The following CLUAP1 variants were observed in gnomAD, a reference collection of about 807,000 sequenced individuals.
The protein encoded by CLUAP1 is clusterin-associated protein 1.
CLUAP1 carries 50 observed loss-of-function variants against 55.0 expected under a neutral mutation model. That is an observed-to-expected ratio of 0.91 (90% CI 0.72 to 1.15). CLUAP1 has a LOEUF of 1.15. Ranked by LOEUF, CLUAP1 falls within the 50% of genes most tolerant of loss-of-function variation. The probability of loss-of-function intolerance (pLI) is 0.00; values close to 1 mark genes in which losing one functional copy is unlikely to be tolerated. For synonymous variants in CLUAP1, 195 were observed against 175.4 expected, an observed-to-expected ratio of 1.11 and a Z score of -0.88; for missense variants, 530 against 507.6, an observed-to-expected ratio of 1.04 and a Z score of -0.42.
chr16:3,501,234 C>A (rs941605804), intron 1 of CLUAP1, 145 bp downstream of exon 1: 40 of 813,948 alleles, frequency 4.9e-5, no homozygotes, highest in Non-Finnish European at 7.1e-5. Context: ...ACCGCCTGAC[C>A]CGCGGCTGCA....
chr16:3,523,823 G>C (rs889666626), intron 8 of CLUAP1, among the ~76,000 whole-genome samples: 2 of 151,962 alleles, frequency 1.3e-5, no homozygotes, highest in Non-Finnish European at 2.9e-5. Flanking sequence ...AAAATTAGCC[G>C]GGTGTGGTCG....
rs1451279902 is a variant in CLUAP1, at chr16:3,520,007, G to T, written c.684G>T (p.Arg228=). 1 of 1,613,296 alleles carries T rather than the reference G, an allele frequency of 6.2e-7. No homozygotes were observed. The highest frequency in any genetic ancestry group is 8.5e-7 in the Non-Finnish European group (1 of 1,179,776). The change falls in exon 7 of 12, where the codon CGG becomes CGT. Residue 228 remains arginine, a synonymous_variant. Transcript: ENST00000576634. ...EKRKLELERN[R]KRLETLQSVR... ...GAAAATTAGAACTGGAAAGAAATCGGAAGCGACTAGAGACTCTGCAGAGTG... is the reference window on the plus strand; with the variant it reads ...GAAAATTAGAACTGGAAAGAAATCGTAAGCGACTAGAGACTCTGCAGAGTG...
chr16:3,529,190 G>A (rs2038007260), intron 9 of CLUAP1, among the ~76,000 whole-genome samples: 1 of 151,114 alleles, frequency 6.6e-6, no homozygotes, highest in Non-Finnish European at 1.5e-5. Context: ...CTAACATAAT[G>A]CCTATACATC....
At chr16:3,509,402 A>G (rs1369086099) in intron 4 of CLUAP1, among the ~76,000 whole-genome samples, 2 of 152,144 alleles carry the variant, frequency 1.3e-5, no homozygotes, top group African/African-American at 2.4e-5. Flanking sequence ...TCCAAGCGGA[A>G]CCTTCTGTGC....
In CLUAP1 at chr16:3,538,189, TATAA is replaced by T. The variant is rs1398498696; in HGVS notation, c.*1922_*1925del. On this transcript the variant is annotated 3_prime_UTR_variant, in exon 12 of 12. Transcript: ENST00000576634. ...AATTATTGTATTTGTACCTGTCAGA[TATAA>T]ATACTTATTCAGGAGTTCACAGGTA... The T allele has an allele frequency of 1.3e-5, 2 of 152,078 alleles. No individual in the cohort carries two copies. The highest frequency in any genetic ancestry group is 2.9e-5 in the Non-Finnish European group (2 of 68,022). 9.4% of individuals were successfully genotyped at this position (152,078 alleles called of 1,614,324 possible). A position where few individuals can be genotyped will look rare whatever the true frequency, so the allele number is the denominator to read the frequency against.
intron 9 of CLUAP1, among the ~76,000 whole-genome samples, chr16:3,527,043 C>A (rs963046432): frequency 1.2e-4 from 19 of 152,150 alleles, no homozygotes; most frequent in African/African-American, 4.6e-4. Context: ...CACAGGGTTA[C>A]GTCCATGCAA....
Position 3,538,570 on chromosome 16 carries a change from T to C in CLUAP1, c.*2299T>C, listed in dbSNP as rs936934307. 6.6e-6 allele frequency: 1 copy of C among 152,214 alleles called. No individual in the cohort carries two copies. Among genetic ancestry groups the C allele is most frequent in the Non-Finnish European group, 1.5e-5 (1 of 68,034 alleles). 9.4% of individuals were successfully genotyped at this position (152,214 alleles called of 1,614,324 possible). On this transcript the variant is annotated 3_prime_UTR_variant, in exon 12 of 12. Coordinates refer to ENST00000576634, the MANE Select transcript of CLUAP1 (RefSeq NM_015041.3). Reference sequence around the variant, plus strand: ...CTATTTTCCTTATGTGATGCTTTCTTCTAACACACTTTAACACAGAAGCCT... The same window carrying C: ...CTATTTTCCTTATGTGATGCTTTCTCCTAACACACTTTAACACAGAAGCCT...
upstream of CLUAP1, among the ~76,000 whole-genome samples, chr16:3,497,369 A>AT (rs1310652667): frequency 6.6e-6 from 1 of 152,228 alleles, no homozygotes; most frequent in Admixed American, 6.5e-5. Flanking sequence ...CCAAGGAGGT[A>AT]TAAGACAACT....
intron 9 of CLUAP1, among the ~76,000 whole-genome samples, chr16:3,529,546 ATATATTATATAT>A (rs2038029409): frequency 2.1e-5 from 1 of 46,868 alleles, no homozygotes; most frequent in African/African-American, 1.0e-4. Context: ...ATATATTATT[ATATATTATATAT>A]TATTATATAT....
intron 9 of CLUAP1, among the ~76,000 whole-genome samples, chr16:3,527,836 A>C (rs1481000296): frequency 6.6e-6 from 1 of 152,008 alleles, no homozygotes; most frequent in Non-Finnish European, 1.5e-5. Flanking sequence ...CCAGGCAGGG[A>C]AGGGCCCCCT....
chr16:3,498,516 A>G (rs1402547341), upstream of CLUAP1, among the ~76,000 whole-genome samples: 1 of 152,178 alleles, frequency 6.6e-6, no homozygotes, highest in East Asian at 1.9e-4. Context: ...ATCTTCAGAA[A>G]TCAGAAACAC....
chr16:3,512,037 T>G (rs1426383260), intron 4 of CLUAP1, among the ~76,000 whole-genome samples: 1 of 151,810 alleles, frequency 6.6e-6, no homozygotes, highest in Non-Finnish European at 1.5e-5. Flanking sequence ...AAATACAAAA[T>G]TAGCCGGGCG....
chr16:3,515,021 A>T (rs1218346785), intron 5 of CLUAP1, among the ~76,000 whole-genome samples: 4 of 152,132 alleles, frequency 2.6e-5, no homozygotes, highest in Admixed American at 1.3e-4. Context: ...GAGGGACTTC[A>T]TGCTAAGAAA....
In CLUAP1 at chr16:3,523,249, C is replaced by CTGGAACAACAGCT; in HGVS notation, c.808_820dup (p.Glu274GlyfsTer5). The CTGGAACAACAGCT allele has an allele frequency of 6.2e-7, 1 of 1,613,874 alleles. No individual in the cohort carries two copies. On this transcript the variant is annotated frameshift_variant, in exon 8 of 12. Coordinates refer to ENST00000576634, the MANE Select transcript of CLUAP1 (RefSeq NM_015041.3). LOFTEE classifies it high-confidence loss of function. Reference sequence around the variant, plus strand: ...GGAGAAATTTCAAAATCTGACTTATCTGGAACAACAGCTTGAAGACCATCA... The same window carrying CTGGAACAACAGCT: ...GGAGAAATTTCAAAATCTGACTTATCTGGAACAACAGCTTGGAACAACAGCTTGAAGACCATCA...
chr16:3,496,348 G>T, upstream of CLUAP1: 2 of 1,183,008 alleles, frequency 1.7e-6, no homozygotes, highest in South Asian at 1.2e-5. Flanking sequence ...AGGTTGTGCT[G>T]AAGAGGTTGT....
At chr16:3,529,409 T>C (rs2038011787) in intron 9 of CLUAP1, among the ~76,000 whole-genome samples, 1 of 98,862 alleles carries the variant, frequency 1.0e-5, no homozygotes, top group East Asian at 2.4e-4. Flanking sequence ...TATATATATA[T>C]GTCATATATA....
chr16:3,495,526 T>C, the CLUAP1 span: 1 of 1,535,442 alleles, frequency 6.5e-7, no homozygotes, highest in Non-Finnish European at 8.8e-7. Flanking sequence ...GGCAACTGGT[T>C]CTTATGACAT....
At position 3,532,841 on chromosome 16, in the gene CLUAP1, T is replaced by C. The variant is rs200842786; in HGVS notation, c.1092T>C (p.Asn364=). ...GTMQGGDSDD[N]EDSEESEIDM... ...TGCAAGGTGGAGACTCCGATGACAA[T>C]GTAAGTCCCCCGCTCCCCTCAGTGG... The change falls in exon 11 of 12, where the codon AAT becomes AAC. Residue 364 remains asparagine (N), a splice_region_variant and synonymous_variant. Coordinates refer to ENST00000576634, the MANE Select transcript of CLUAP1 (RefSeq NM_015041.3). 1.9e-5 allele frequency: 30 copies of C among 1,614,066 alleles called. No individual in the cohort carries two copies. In the East Asian group the frequency reaches 6.2e-4, roughly 34 times the overall value.
chr16:3,498,003 G>A (rs2037331474), upstream of CLUAP1, among the ~76,000 whole-genome samples: 2 of 152,064 alleles, frequency 1.3e-5, no homozygotes, highest in African/African-American at 4.8e-5. Context: ...TATCCGGGCT[G>A]AGAAGTCGCA....
Sources: allele counts gnomAD v4.1 joint callset (sites outside exome capture counted in the v4.1 genomes callset), GRCh38; gene constraint gnomAD v4.1.1; transcripts MANE v1.5; gene names NCBI Gene and HGNC (gene_info 2026-07-23, HGNC 2026-07-21).